Variants in MYH11 observed in about 807,000 individuals in gnomAD.
MYH11 encodes myosin heavy chain 11.
Under a neutral mutation model 246.6 loss-of-function variants are expected in MYH11, and 80 were observed. That is an observed-to-expected ratio of 0.32 (90% CI 0.27 to 0.39). MYH11 has a LOEUF of 0.39. MYH11 is among the 10% of genes least tolerant of loss of function. The pLI is 1.00. For missense variants in MYH11, 2,158 were observed against 2,546.8 expected, an observed-to-expected ratio of 0.85 and a Z score of 3.29; for synonymous variants, 1,071 against 1,015.5, an observed-to-expected ratio of 1.05 and a Z score of -1.04.
At chr16:15,763,760 C>CCCCCAAAAAAAAAAAAAA in intron 10 of MYH11, 36 bp downstream of exon 10, 1 of 1,192,092 alleles carries the variant, frequency 8.4e-7, no homozygotes, top group Non-Finnish European at 1.3e-6. Flanking sequence ...CCCCCAACCC[C>CCCCCAAAAAAAAAAAAAA]AAAGTCATTG....
chr16:15,789,836 T>C (rs982535082), intron 4 of MYH11, among the ~76,000 whole-genome samples: 1 of 152,234 alleles, frequency 6.6e-6, no homozygotes, highest in African/African-American at 2.4e-5. Context: ...GTCATGAACC[T>C]ATTCAGATCC....
chr16:15,829,945 G>A (rs948218315), intron 2 of MYH11, among the ~76,000 whole-genome samples: 5 of 152,120 alleles, frequency 3.3e-5, no homozygotes, highest in East Asian at 1.9e-4. Flanking sequence ...GACCAGCCCG[G>A]CCAACACAGT....
chr16:15,782,642 T>G, intron 5 of MYH11, 165 bp from the exon 6 acceptor site: 3 of 639,096 alleles, frequency 4.7e-6, no homozygotes, highest in Non-Finnish European at 8.5e-6. Flanking sequence ...CAGGAGGATT[T>G]CAGAAGAGAA....
At chr16:15,741,420 A>T (rs1445288065) in intron 22 of MYH11, 43 bp downstream of exon 22, 18 of 1,595,560 alleles carry the variant, frequency 1.1e-5, no homozygotes, top group Non-Finnish European at 1.4e-5. Flanking sequence ...GTGAGGGTCA[A>T]GTGATTTGCT....
intron 4 of MYH11, among the ~76,000 whole-genome samples, chr16:15,794,030 G>A (rs1463019134): frequency 1.5e-5 from 2 of 136,312 alleles, no homozygotes; most frequent in African/African-American, 5.6e-5. Flanking sequence ...TGCAAGCCCC[G>A]CCCCCCAGGT....
chr16:15,815,740 G>T lies in MYH11; in HGVS notation c.502+7515C>A, dbSNP rs545836092. Among the ~76,000 whole-genome samples the T allele has an allele frequency of 1.3e-3, 201 of 152,196 alleles. 1 individual carries two copies. Among genetic ancestry groups the T allele is most frequent in the Non-Finnish European group, 2.5e-3 (168 of 68,014 alleles). On this transcript the variant is annotated intron_variant, in intron 3 of 40. Transcript: ENST00000300036. ...GCAAGTCCCATCATCCTGAATAGGG[G>T]TACAAAGACAGTCTAAAAGCTTCTA...
intron 3 of MYH11, among the ~76,000 whole-genome samples, chr16:15,810,022 GGTTTTT>G (rs72389304): frequency 0.068 from 10,349 of 151,538 alleles, 953 homozygotes; most frequent in African/African-American, 0.21. Context: ...TAATATTTAC[GGTTTTT>G]GTTTTTGTTT....
chr16:15,841,740 A>G (rs2044057381), intron 1 of MYH11, among the ~76,000 whole-genome samples: 2 of 152,206 alleles, frequency 1.3e-5, no homozygotes, highest in African/African-American at 4.8e-5. Flanking sequence ...CTGTCCTGGA[A>G]ACACTGGCTT....
At chr16:15,724,482 T>C (rs1596731093) in intron 30 of MYH11, 73 bp from the exon 31 acceptor site, 1 of 1,609,342 alleles carries the variant, frequency 6.2e-7, no homozygotes, top group East Asian at 2.2e-5. Flanking sequence ...CCACAGACTC[T>C]GAGAAGCGAA....
chr16:15,723,289 A>C (rs1258412532), intron 31 of MYH11, among the ~76,000 whole-genome samples: 1 of 152,180 alleles, frequency 6.6e-6, no homozygotes, highest in African/African-American at 2.4e-5. Flanking sequence ...ATGTACTGAC[A>C]TCTGTAATTT....
chr16:15,768,117 C>G (rs1241711522), intron 9 of MYH11, among the ~76,000 whole-genome samples: 1 of 152,006 alleles, frequency 6.6e-6, no homozygotes, highest in Non-Finnish European at 1.5e-5. Context: ...GCCTCCAGAA[C>G]TGGGAGAGAA....
At chr16:15,792,937 G>A (rs912123033) in intron 4 of MYH11, among the ~76,000 whole-genome samples, 6 of 152,090 alleles carry the variant, frequency 3.9e-5, no homozygotes, top group African/African-American at 1.4e-4. Flanking sequence ...GTTTGGCCAT[G>A]TTGGCCAGGC....
Position 15,747,434 on chromosome 16 carries a change from C to T in MYH11, c.2411+136G>A, listed in dbSNP as rs751391911. On this transcript the variant is annotated intron_variant, in intron 19 of 40. Transcript: ENST00000300036. ...TTATTTAAAGTAGAAGCATTTCTTC[C>T]CCTTCAAGAAAAGGCTGTCATTCAG... 712 of 1,055,854 alleles carry T rather than the reference C, an allele frequency of 6.7e-4. 2 individuals are homozygous for T. The highest frequency in any genetic ancestry group is 3.6e-3 in the Middle Eastern group (14 of 3,852). The allele number at this position is 1,055,854 out of a possible 1,614,324, so 65.4% of individuals were successfully genotyped here.
intron 5 of MYH11, chr16:15,785,389 CCA>C (rs1644822933): frequency 6.6e-6 from 1 of 152,002 alleles, no homozygotes; most frequent in East Asian, 1.9e-4. Context: ...GTTTAAACTG[CCA>C]CACAGCCTCT....
rs748664749 is a variant in MYH11, at chr16:15,798,618, AAAAAAC to A, written c.530+36_530+41del. ...ATCTCGACTACAGATTAAAAAAAAA[AAAAAAC>A]AAAAAAAAAACAGAAGAAAAAGCAG... is the stretch of plus-strand genomic sequence containing the variant. On this transcript the variant is annotated intron_variant, in intron 4 of 40. Transcript: ENST00000300036. 4.4e-4 allele frequency: 670 copies of A among 1,528,608 alleles called. 7 individuals are homozygous for A. Among genetic ancestry groups the A allele is most frequent in the African/African-American group, 6.6e-4 (43 of 65,218 alleles). The allele number at this position is 1,528,608 out of a possible 1,614,324, so 94.7% of individuals were successfully genotyped here.
intron 2 of MYH11, among the ~76,000 whole-genome samples, chr16:15,832,943 CTTTTTTTTTTTTTTTTTTTTTT>C (rs780380104): frequency 5.4e-5 from 3 of 55,340 alleles, no homozygotes; most frequent in African/African-American, 7.5e-5. Flanking sequence ...GCAACCTCAT[CTTTTTTTTTTTTTTTTTTTTTT>C]TTTTTTTTTT....
intron 4 of MYH11, among the ~76,000 whole-genome samples, chr16:15,794,893 A>T (rs1043387736): frequency 6.6e-6 from 1 of 152,220 alleles, no homozygotes. Flanking sequence ...AAGAGGGAAG[A>T]GCAGATCACA....
At chr16:15,807,685 G>C (rs2043046162) in intron 3 of MYH11, among the ~76,000 whole-genome samples, 2 of 152,082 alleles carry the variant, frequency 1.3e-5, no homozygotes, top group African/African-American at 4.8e-5. Flanking sequence ...TCCCAGCCCA[G>C]ATCCCTGGGG....
At chr16:15,759,011 T>C (rs2041803947) in intron 12 of MYH11, among the ~76,000 whole-genome samples, 1 of 151,324 alleles carries the variant, frequency 6.6e-6, no homozygotes, top group Admixed American at 6.6e-5. Flanking sequence ...TCCCTTTCTC[T>C]GAGAACTTTC....
Sources: gnomAD v4.1 joint callset for allele counts (sites outside exome capture counted in the v4.1 genomes callset) on GRCh38, gnomAD v4.1.1 for gene constraint, MANE v1.5 for transcripts, NCBI Gene and HGNC (gene_info 2026-07-23, HGNC 2026-07-21) for gene names.